SLC30A6: variants seen among roughly 807,000 people sequenced by gnomAD.
SLC30A6 encodes solute carrier family 30 member 6.
A neutral mutation model predicts 63.0 loss-of-function variants in SLC30A6; 55 were observed. That is an observed-to-expected ratio of 0.87 (90% CI 0.70 to 1.09). The LOEUF (loss-of-function observed/expected upper bound fraction) is 1.09. SLC30A6 is among the 50% of genes least tolerant of loss of function. The pLI, the probability that SLC30A6 is intolerant of heterozygous loss-of-function variation, is 0.00. For missense variants in SLC30A6, 587 were observed against 549.2 expected (o/e 1.07, Z -0.69); for synonymous variants, 224 against 186.1 (o/e 1.20, Z -1.66).
chr2:32,192,969 C>G lies in SLC30A6; in HGVS notation c.401+16C>G. On this transcript the variant is annotated intron_variant, in intron 7 of 13. Coordinates refer to ENST00000282587, the MANE Select transcript of SLC30A6 (RefSeq NM_017964.5). ...AGATACACACGTGAGATTTTATTTTCAATATATAATTTACTATTGATTCTT... is the reference window on the plus strand; with the variant it reads ...AGATACACACGTGAGATTTTATTTTGAATATATAATTTACTATTGATTCTT... 1 of 1,466,816 alleles carries G rather than the reference C, an allele frequency of 6.8e-7. No homozygotes were observed. Among genetic ancestry groups the G allele is most frequent in the South Asian group, 1.3e-5 (1 of 76,054 alleles). The allele number at this position is 1,466,816 out of a possible 1,614,324, so 90.9% of individuals were successfully genotyped here.
chr2:32,181,455 AT>A (rs892025043), intron 4 of SLC30A6, among the ~76,000 whole-genome samples: 3 of 152,162 alleles, frequency 2.0e-5, no homozygotes, highest in African/African-American at 7.2e-5. Context: ...ATTTTTATCC[AT>A]TTTTAAGGGT....
intron 4 of SLC30A6, chr2:32,177,534 C>A (rs1681871656): frequency 4.7e-6 from 1 of 211,886 alleles, no homozygotes; most frequent in Non-Finnish European, 1.0e-5. Context: ...TCAAGTGGTC[C>A]ACCCACCTCG....
intron 3 of SLC30A6, 128 bp downstream of exon 3, chr2:32,174,275 G>T (rs1239308997): frequency 8.9e-6 from 5 of 558,670 alleles, no homozygotes; most frequent in Admixed American, 3.9e-5. Context: ...TTAAATAAGG[G>T]ACTATATTTA....
chr2:32,197,729 C>G lies in SLC30A6; in HGVS notation c.568C>G (p.Leu190Val). The G allele has an allele frequency of 1.2e-6, 2 of 1,614,108 alleles. No homozygotes were observed. The highest frequency in any genetic ancestry group is 2.2e-5 in the South Asian group (2 of 91,084). Residue 190 changes from leucine (L) to valine (V), a missense_variant, in exon 10 of 14, where the codon CTT (leucine) becomes GTT (valine). Leu to Val is a conservative substitution (Grantham distance 32, BLOSUM62 1). Coordinates refer to ENST00000282587, the MANE Select transcript of SLC30A6 (RefSeq NM_017964.5). ...SRSLCGIIPG[L>V]SSIFLPRMNP... Reference sequence around the variant, plus strand: ...TAGCTTGTGTGGAATTATTCCGGGACTTAGCAGTATCTTCCTTCCCCGAAT... The same window carrying G: ...TAGCTTGTGTGGAATTATTCCGGGAGTTAGCAGTATCTTCCTTCCCCGAAT...
chr2:32,192,782 C>T (rs1227716015), intron 6 of SLC30A6, 136 bp from the exon 7 acceptor site: 3 of 532,636 alleles, frequency 5.6e-6, no homozygotes, highest in Non-Finnish European at 9.7e-6. Context: ...GTCTCCTTGC[C>T]TCATCACTGC....
intron 4 of SLC30A6, among the ~76,000 whole-genome samples, chr2:32,177,009 G>A (rs1046224184): frequency 3.3e-5 from 5 of 152,044 alleles, no homozygotes; most frequent in Non-Finnish European, 7.4e-5. Flanking sequence ...CTGACCTCAA[G>A]TGATCTGCCC....
chr2:32,196,826 C>T (rs540030994), intron 8 of SLC30A6, among the ~76,000 whole-genome samples: 4 of 152,104 alleles, frequency 2.6e-5, no homozygotes, highest in Admixed American at 6.5e-5. Flanking sequence ...TTTGGGAGGC[C>T]GAGGCAGGTG....
In SLC30A6 at chr2:32,165,864, A is replaced by G. The variant is rs150864388; in HGVS notation, c.-37A>G. Reference sequence around the variant, plus strand: ...CCGTTCTGGGAAAACTCGAGCACCCAGAACGGCTTCCGGCGGGAGCTGTGC... The same window carrying G: ...CCGTTCTGGGAAAACTCGAGCACCCGGAACGGCTTCCGGCGGGAGCTGTGC... On this transcript the variant is annotated 5_prime_UTR_variant, in exon 1 of 14. Coordinates refer to ENST00000282587, the MANE Select transcript of SLC30A6 (RefSeq NM_017964.5). The G allele has an allele frequency of 6.2e-7, 1 of 1,613,886 alleles. No homozygotes were observed. Among genetic ancestry groups the G allele is most frequent in the Non-Finnish European group, 8.5e-7 (1 of 1,179,912 alleles).
chr2:32,195,046 A>G (rs1018578837), intron 8 of SLC30A6, among the ~76,000 whole-genome samples: 15 of 151,290 alleles, frequency 9.9e-5, no homozygotes, highest in African/African-American at 3.6e-4. Flanking sequence ...GCACACGTAC[A>G]TATAATTTTA....
Position 32,224,018 on chromosome 2 carries a change from CCTT to C in SLC30A6, c.*3308_*3310del, listed in dbSNP as rs969858421. On this transcript the variant is annotated 3_prime_UTR_variant, in exon 14 of 14. Transcript: ENST00000282587. ...CTGATCTTTTTTGGGAGTCTGATCT[CCTT>C]CTAATATCAGAAAGTGCTTTTTATA... The C allele has an allele frequency of 6.6e-6, 1 of 152,382 alleles. No individual in the cohort carries two copies. Among genetic ancestry groups the C allele is most frequent in the Non-Finnish European group, 1.5e-5 (1 of 68,236 alleles). 9.4% of individuals were successfully genotyped at this position (152,382 alleles called of 1,614,324 possible).
At chr2:32,203,376 A>G in intron 10 of SLC30A6, 1 of 1,055,216 alleles carries the variant, frequency 9.5e-7, no homozygotes, top group Non-Finnish European at 1.5e-6. Context: ...GTTAAATCTA[A>G]AAGCACGGAT....
chr2:32,201,567 A>G (rs1573370715), intron 10 of SLC30A6: 3 of 1,277,248 alleles, frequency 2.3e-6, no homozygotes, highest in African/African-American at 1.5e-5. Flanking sequence ...GGTTGTGGCC[A>G]CTGTGCCCGG....
intron 5 of SLC30A6, among the ~76,000 whole-genome samples, chr2:32,185,771 G>A (rs1439343072): frequency 6.6e-6 from 1 of 152,004 alleles, no homozygotes; most frequent in African/African-American, 2.4e-5. Flanking sequence ...CCAGGCTGGA[G>A]TGCAGTGGCA....
In SLC30A6 at chr2:32,220,790, C is replaced by A; in HGVS notation, c.*77C>A. The stretch of plus-strand genomic sequence containing the variant: ...ATTTAGTAATCCAACTTTGCATTGA[C>A]TGTTTAATCATTTACTCTAAATGTT... On this transcript the variant is annotated 3_prime_UTR_variant, in exon 14 of 14. Transcript: ENST00000282587. The A allele has an allele frequency of 1.6e-6, 2 of 1,281,580 alleles. No individual in the cohort carries two copies. The highest frequency in any genetic ancestry group is 2.2e-6 in the Non-Finnish European group (2 of 924,112). The allele number at this position is 1,281,580 out of a possible 1,614,324, so 79.4% of individuals were successfully genotyped here. A position where few individuals can be genotyped will look rare whatever the true frequency, so the allele number is the denominator to read the frequency against.
Position 32,168,610 on chromosome 2 carries a change from T to A in SLC30A6, c.4-2677T>A, listed in dbSNP as rs114045631. Among the ~76,000 whole-genome samples, 898 of 152,236 alleles carry A rather than the reference T, an allele frequency of 5.9e-3. 11 individuals are homozygous for A. The highest frequency in any genetic ancestry group is 0.02 in the African/African-American group (841 of 41,566). ...TGGAATGATCTAGGAAGACTTCATT[T>A]AAGAAGTGAAACATGAAACTAAGTA... On this transcript the variant is annotated intron_variant, in intron 1 of 13. Coordinates refer to ENST00000282587, the MANE Select transcript of SLC30A6 (RefSeq NM_017964.5).
chr2:32,171,241 G>T (rs752391495), intron 1 of SLC30A6, 46 bp from the exon 2 acceptor site: 1 of 1,504,408 alleles, frequency 6.6e-7, no homozygotes, highest in African/African-American at 1.4e-5. Context: ...GAACTCTGAA[G>T]ATGATTAAAT....
At chr2:32,202,597 C>G in intron 10 of SLC30A6, 1 of 434,568 alleles carries the variant, frequency 2.3e-6, no homozygotes, top group Non-Finnish European at 4.4e-6. Flanking sequence ...TCCCAAAGTG[C>G]TGGGATTGCA....
chr2:32,187,193 C>A (rs1161103585), intron 5 of SLC30A6: 1 of 471,068 alleles, frequency 2.1e-6, no homozygotes, highest in Admixed American at 2.3e-5. Flanking sequence ...TCTCAGACCA[C>A]TTTTCTCCAC....
At chr2:32,180,103 CAG>C (rs1376627163) in intron 4 of SLC30A6, among the ~76,000 whole-genome samples, 2 of 151,946 alleles carry the variant, frequency 1.3e-5, no homozygotes, top group African/African-American at 4.8e-5. Flanking sequence ...GCCTCAGTGA[CAG>C]AGAGATACCC....
Sources: gnomAD v4.1 joint callset for allele counts (sites outside exome capture counted in the v4.1 genomes callset) on GRCh38, gnomAD v4.1.1 for gene constraint, MANE v1.5 for transcripts, NCBI Gene and HGNC (gene_info 2026-07-23, HGNC 2026-07-21) for gene names.